SBF2: variants seen among roughly 807,000 people sequenced by gnomAD.
SBF2 encodes myotubularin-related protein 13.
Under a neutral mutation model 225.2 loss-of-function variants are expected in SBF2, and 112 were observed. The observed-to-expected ratio is 0.50, with a 90% CI of 0.43 to 0.58. SBF2 has a LOEUF of 0.58. SBF2 is among the 20% of genes least tolerant of loss of function. The probability of loss-of-function intolerance (pLI) is 0.00; values close to 1 mark genes in which losing one functional copy is unlikely to be tolerated. For missense variants in SBF2, 1,996 were observed against 2,206.2 expected, an observed-to-expected ratio of 0.90 and a Z score of 1.91; for synonymous variants, 763 against 773.3, an observed-to-expected ratio of 0.99 and a Z score of 0.22.
chr11:10,104,516 C>T (rs997583356), intron 2 of SBF2, among the ~76,000 whole-genome samples: 1 of 150,288 alleles, frequency 6.7e-6, no homozygotes. Context: ...GCAAACTGCT[C>T]CAGGAATATG....
intron 1 of SBF2, among the ~76,000 whole-genome samples, chr11:10,259,970 C>T (rs2135509795): frequency 6.6e-6 from 1 of 152,136 alleles, no homozygotes; most frequent in South Asian, 2.1e-4. Context: ...CCAACTAATG[C>T]CTGAATCATA....
At chr11:10,174,183 C>G (rs558465790) in intron 2 of SBF2, among the ~76,000 whole-genome samples, 22 of 152,242 alleles carry the variant, frequency 1.4e-4, no homozygotes, top group East Asian at 9.7e-4. Flanking sequence ...CGAGCTGAGA[C>G]AAGAAGGCTT....
intron 2 of SBF2, among the ~76,000 whole-genome samples, chr11:10,162,148 A>C (rs1222517599): frequency 6.6e-6 from 1 of 151,720 alleles, no homozygotes; most frequent in Non-Finnish European, 1.5e-5. Flanking sequence ...CAACATCACA[A>C]AGTTACTGTT....
At chr11:10,023,178 G>T in intron 6 of SBF2, among the ~76,000 whole-genome samples, 1 of 151,886 alleles carries the variant, frequency 6.6e-6, no homozygotes, top group South Asian at 2.1e-4. Context: ...AAGATAAATT[G>T]TTCTTTATCA....
In SBF2 at chr11:10,200,408, G is replaced by C. The variant is rs931501014; in HGVS notation, c.56-6421C>G. Among the ~76,000 whole-genome samples, 3 of 152,134 alleles carry C rather than the reference G, an allele frequency of 2.0e-5. No homozygotes were observed. In the East Asian group the frequency reaches 5.8e-4, roughly 29 times the overall value. On this transcript the variant is annotated intron_variant, in intron 1 of 39. Transcript: ENST00000256190. ...GCCGGTCTGAATAACATAGTGTAGA[G>C]AAGAAAACTATTATTGTTCTAGACA...
intron 2 of SBF2, among the ~76,000 whole-genome samples, chr11:10,171,354 T>G (rs1429306392): frequency 6.6e-6 from 1 of 152,242 alleles, no homozygotes; most frequent in African/African-American, 2.4e-5. Flanking sequence ...CATAAAGGGA[T>G]GTTGAATTTT....
In SBF2 at chr11:10,243,170, C is replaced by G. The variant is rs182108493; in HGVS notation, c.56-49183G>C. Among the ~76,000 whole-genome samples, 646 of 150,982 alleles carry G rather than the reference C, an allele frequency of 4.3e-3. 1 individual carries two copies. The highest frequency in any genetic ancestry group is 0.02 in the Middle Eastern group (6 of 294). On this transcript the variant is annotated intron_variant, in intron 1 of 39. Coordinates refer to ENST00000256190, the MANE Select transcript of SBF2 (RefSeq NM_030962.4). ...CAATGGAATGAAACTAAATCAAAAA[C>G]AAAAAGAAAAAAATTCAAAAATATG...
At chr11:9,963,322 G>A (rs886413224) in intron 15 of SBF2, among the ~76,000 whole-genome samples, 8 of 151,852 alleles carry the variant, frequency 5.3e-5, no homozygotes, top group East Asian at 1.9e-4. Flanking sequence ...AAAATGAGGC[G>A]GGCGCAGTGG....
At chr11:9,939,680 C>A (rs1336862834) in intron 16 of SBF2, among the ~76,000 whole-genome samples, 5 of 152,182 alleles carry the variant, frequency 3.3e-5, no homozygotes, top group African/African-American at 1.2e-4. Flanking sequence ...AGGAGATACT[C>A]TGAAAAACTG....
At chr11:9,906,117 C>G (rs758836535) in intron 16 of SBF2, among the ~76,000 whole-genome samples, 1 of 152,160 alleles carries the variant, frequency 6.6e-6, no homozygotes, top group East Asian at 1.9e-4. Context: ...CTGCTATGCA[C>G]AAGAATGTCA....
At chr11:10,183,664 A>T (rs12286927) in intron 2 of SBF2, among the ~76,000 whole-genome samples, 14,511 of 152,228 alleles carry the variant, frequency 0.095, 944 homozygotes, top group East Asian at 0.29. Context: ...TGGGCTTATC[A>T]CTTCCACAAC....
chr11:9,938,789 A>G (rs1865064379), intron 16 of SBF2, among the ~76,000 whole-genome samples: 1 of 152,148 alleles, frequency 6.6e-6, no homozygotes, highest in Non-Finnish European at 1.5e-5. Context: ...GACAACATAT[A>G]TATCTTGATG....
intron 1 of SBF2, among the ~76,000 whole-genome samples, chr11:10,218,196 A>G (rs1206356214): frequency 6.6e-6 from 1 of 152,100 alleles, no homozygotes; most frequent in African/African-American, 2.4e-5. Flanking sequence ...CACAGTGCCC[A>G]GCCGCAAAGT....
At chr11:10,239,536 G>A (rs1203601660) in intron 1 of SBF2, among the ~76,000 whole-genome samples, 1 of 145,854 alleles carries the variant, frequency 6.9e-6, no homozygotes, top group African/African-American at 2.5e-5. Context: ...AATGGAGTAG[G>A]AGAAAAAATT....
chr11:10,122,236 G>A (rs1029989274), intron 2 of SBF2, among the ~76,000 whole-genome samples: 4 of 152,188 alleles, frequency 2.6e-5, no homozygotes, highest in Admixed American at 2.0e-4. Context: ...AACTGCCAAA[G>A]TTACAGCTAC....
chr11:10,070,092 C>T (rs1211429031), intron 2 of SBF2, among the ~76,000 whole-genome samples: 1 of 152,050 alleles, frequency 6.6e-6, no homozygotes, highest in Non-Finnish European at 1.5e-5. Context: ...AAATTTTTCT[C>T]CCATTCTGTA....
intron 28 of SBF2, among the ~76,000 whole-genome samples, chr11:9,822,825 A>G (rs369042898): frequency 6.6e-6 from 1 of 151,686 alleles, no homozygotes. Context: ...GGCCCAGTGC[A>G]TGAGACACTA....
chr11:9,816,801 T>A, intron 29 of SBF2, 39 bp downstream of exon 29: 1 of 1,596,190 alleles, frequency 6.3e-7, no homozygotes, highest in Middle Eastern at 1.7e-4. Flanking sequence ...AGCCCTAGCG[T>A]ATCCATAAAG....
Position 9,789,165 on chromosome 11 carries a change from G to A in SBF2, c.4876C>T (p.Pro1626Ser), listed in dbSNP as rs772803513. ...GTACAGCTGACATCATCATAGCATG[G>A]CCACACTGTTCTCCTCTGGCTCCGT... ...GPRSQRRTVW[P>S]CYDDVSCTQP... Residue 1626 changes from proline (P) to serine (S), a missense_variant, in exon 35 of 40, where the codon CCA becomes TCA. Transcript: ENST00000256190. 1.2e-6 allele frequency: 2 copies of A among 1,614,130 alleles called. No homozygotes were observed. The highest frequency in any genetic ancestry group is 2.2e-5 in the South Asian group (2 of 91,084).
Sources: gnomAD v4.1 joint callset for allele counts (sites outside exome capture counted in the v4.1 genomes callset) on GRCh38, gnomAD v4.1.1 for gene constraint, MANE v1.5 for transcripts, NCBI Gene and HGNC (gene_info 2026-07-23, HGNC 2026-07-21) for gene names.